The following OIT3 variants were observed in gnomAD, a reference collection of about 807,000 sequenced individuals.
The protein encoded by OIT3 is oncoprotein induced transcript 3.
A neutral mutation model predicts 52.2 loss-of-function variants in OIT3; 41 were observed. That is an observed-to-expected ratio of 0.79 (90% CI 0.61 to 1.02). The LOEUF (loss-of-function observed/expected upper bound fraction) is 1.02, where lower values mean the gene tolerates loss of function less well. Ranked by LOEUF, OIT3 falls within the 50% of genes least tolerant of loss-of-function variation. The probability of loss-of-function intolerance (pLI) is 0.00; values close to 1 mark genes in which losing one functional copy is unlikely to be tolerated. For missense variants in OIT3, 634 were observed against 715.5 expected, an observed-to-expected ratio of 0.89 and a Z score of 1.30; for synonymous variants, 244 against 276.9, an observed-to-expected ratio of 0.88 and a Z score of 1.18.
At chr10:72,911,140 A>G (rs1406455293) in intron 4 of OIT3, among the ~76,000 whole-genome samples, 1 of 152,208 alleles carries the variant, frequency 6.6e-6, no homozygotes, top group Non-Finnish European at 1.5e-5. Flanking sequence ...TGAAAGGACC[A>G]TCACCAAGGG....
chr10:72,929,360 G>GAA (rs1428257189), intron 7 of OIT3, among the ~76,000 whole-genome samples: 8 of 138,426 alleles, frequency 5.8e-5, no homozygotes, highest in African/African-American at 1.8e-4. Flanking sequence ...ACTATGTCCA[G>GAA]AAAAAAAAAA....
chr10:72,907,783 A>G (rs925542367), intron 4 of OIT3, among the ~76,000 whole-genome samples: 5 of 152,214 alleles, frequency 3.3e-5, no homozygotes, highest in Non-Finnish European at 7.3e-5. Context: ...TCTATTTTTA[A>G]TAGCAGACAT....
chr10:72,932,696 CA>C lies in OIT3; in HGVS notation c.*173del. ...TGGTCCATTCAGTGGGCACAGGTCA[CA>C]GCACTGCTGAACAATGTGGCCTGGG... On this transcript the variant is annotated 3_prime_UTR_variant, in exon 9 of 9. Coordinates refer to ENST00000334011, the MANE Select transcript of OIT3 (RefSeq NM_152635.3). 1 of 590,992 alleles carries C rather than the reference CA, an allele frequency of 1.7e-6. No homozygotes were observed. The highest frequency in any genetic ancestry group is 2.3e-5 in the South Asian group (1 of 42,884). 36.6% of individuals were successfully genotyped at this position (590,992 alleles called of 1,614,324 possible). A position where few individuals can be genotyped will look rare whatever the true frequency, so the allele number is the denominator to read the frequency against.
chr10:72,927,340 G>A (rs1009325659), intron 7 of OIT3, among the ~76,000 whole-genome samples: 5 of 152,058 alleles, frequency 3.3e-5, no homozygotes, highest in Admixed American at 1.3e-4. Flanking sequence ...GGGTTTCGCC[G>A]TGTTGGCCAG....
chr10:72,905,013 G>A (rs1845966332), intron 3 of OIT3, among the ~76,000 whole-genome samples: 1 of 152,206 alleles, frequency 6.6e-6, no homozygotes, highest in Non-Finnish European at 1.5e-5. Context: ...GGAAGTGAGA[G>A]TGAGAAGGGG....
chr10:72,924,830 G>A (rs1846154790), intron 7 of OIT3, among the ~76,000 whole-genome samples, 186 bp downstream of exon 7: 1 of 152,138 alleles, frequency 6.6e-6, no homozygotes, highest in Non-Finnish European at 1.5e-5. Flanking sequence ...GTGGCTCCTA[G>A]GCCAGGTGCA....
At chr10:72,908,539 A>C (rs911036293) in intron 4 of OIT3, among the ~76,000 whole-genome samples, 4 of 152,208 alleles carry the variant, frequency 2.6e-5, no homozygotes, top group Non-Finnish European at 4.4e-5. Flanking sequence ...CATTAACCAG[A>C]ATATTAAATT....
rs1431992238 is a variant in OIT3 at position 72,908,103 on chromosome 10, C to T, written c.667+1385C>T. Among the ~76,000 whole-genome samples, 6 of 152,124 alleles carry T rather than the reference C, an allele frequency of 3.9e-5. No homozygotes were observed. The South Asian group carries it at 6.2e-4, about 16-fold the overall frequency. Reference sequence around the variant, plus strand: ...ATTAAAAATACAAAAATTAGCTGGGCGTGGTGGCGGGCGCCTGTAATCCCA... The same window carrying T: ...ATTAAAAATACAAAAATTAGCTGGGTGTGGTGGCGGGCGCCTGTAATCCCA... On this transcript the variant is annotated intron_variant, in intron 4 of 8. Transcript: ENST00000334011.
At chr10:72,899,595 CAA>C (rs57434990) in intron 2 of OIT3, among the ~76,000 whole-genome samples, 31,936 of 88,748 alleles carry the variant, frequency 0.36, 8,500 homozygotes, top group African/African-American at 0.71. Flanking sequence ...GACTCTGATT[CAA>C]AAAAAAAAAA....
Position 72,924,228 on chromosome 10 carries a change from G to A in OIT3, c.952-1G>A. 6.3e-7 allele frequency: 1 copy of A among 1,588,586 alleles called. No homozygotes were observed. Among genetic ancestry groups the A allele is most frequent in the South Asian group, 1.1e-5 (1 of 87,794 alleles). Reference sequence around the variant, plus strand: ...CCTCTCCTCACCCTGGCCTGGCTCAGGTGGTGAATGACAAGATTGTGGCCA... The same window carrying A: ...CCTCTCCTCACCCTGGCCTGGCTCAAGTGGTGAATGACAAGATTGTGGCCA... On this transcript the variant is annotated splice_acceptor_variant, in intron 6 of 8. Transcript: ENST00000334011. LOFTEE classifies it high-confidence loss of function.
At chr10:72,908,364 G>T (rs1257267029) in intron 4 of OIT3, among the ~76,000 whole-genome samples, 5 of 152,208 alleles carry the variant, frequency 3.3e-5, no homozygotes, top group Admixed American at 2.6e-4. Context: ...TTGTTCCTTA[G>T]GATAATTAAA....
In OIT3 at chr10:72,911,885, C is replaced by T. The variant is rs781781755; in HGVS notation, c.790+46C>T. 7.7e-6 allele frequency: 12 copies of T among 1,549,380 alleles called. No individual in the cohort carries two copies. The African/African-American group carries it at 1.4e-4, about 18-fold the overall frequency. ...ACTTGTCTCTACTCTGATTACACTT[C>T]TTCCTCTCCCAAAGCTCTTTGTCTT... On this transcript the variant is annotated intron_variant, in intron 5 of 8. Coordinates refer to ENST00000334011, the MANE Select transcript of OIT3 (RefSeq NM_152635.3).
At position 72,906,546 on chromosome 10, in the gene OIT3, A is replaced by G. The variant is rs1475266484; in HGVS notation, c.545-50A>G. 2.5e-6 allele frequency: 4 copies of G among 1,608,868 alleles called. No individual in the cohort carries two copies. The Admixed American group carries it at 6.7e-5, about 27-fold the overall frequency. ...GAAATTCTGCCCGGGGGGTTGGGAA[A>G]AGGCTGAATCACTCAGCAGTATAGA... On this transcript the variant is annotated intron_variant, in intron 3 of 8. Transcript: ENST00000334011.
chr10:72,900,585 T>C (rs887768184), intron 3 of OIT3, 101 bp downstream of exon 3: 5 of 661,416 alleles, frequency 7.6e-6, no homozygotes, highest in African/African-American at 1.8e-5. Flanking sequence ...AGTGTGTGTC[T>C]CCAAACACTT....
rs1236693031 is a variant in OIT3 at position 72,926,564 on chromosome 10, T to A, written c.1367+1920T>A. Among the ~76,000 whole-genome samples the A allele has an allele frequency of 2.0e-5, 3 of 152,330 alleles. No homozygotes were observed. The East Asian group carries it at 5.8e-4, about 29-fold the overall frequency. On this transcript the variant is annotated intron_variant, in intron 7 of 8. Transcript: ENST00000334011. Reference sequence around the variant, plus strand: ...TGAAAACCTCTTAATGGTTCTTTATTAGCTTTGATCAGTAAATCTGCTTCT... The same window carrying A: ...TGAAAACCTCTTAATGGTTCTTTATAAGCTTTGATCAGTAAATCTGCTTCT...
At chr10:72,919,734 A>C (rs7900141) in intron 6 of OIT3, among the ~76,000 whole-genome samples, 1 of 152,068 alleles carries the variant, frequency 6.6e-6, no homozygotes, top group African/African-American at 2.4e-5. Flanking sequence ...AGTTTTATTT[A>C]TGTGATGAAT....
rs764527932 is a variant in OIT3, at chr10:72,898,851, C to A, written c.249C>A (p.His83Gln). The change falls in exon 2 of 9, where the codon CAC becomes CAA. Residue 83 changes from histidine to glutamine, a missense_variant. By Grantham distance (24) the His-to-Gln change is conservative. Coordinates refer to ENST00000334011, the MANE Select transcript of OIT3 (RefSeq NM_152635.3). The part of the protein sequence containing the change: ...FCIPENHCGT[H>Q]APVWLNGSHP... ...TACCAGAAAACCACTGTGGAACCCACGCACCTGTCTGGCTCAATGGCAGCC... is the reference window on the plus strand; with the variant it reads ...TACCAGAAAACCACTGTGGAACCCAAGCACCTGTCTGGCTCAATGGCAGCC... The A allele has an allele frequency of 1.9e-6, 3 of 1,614,158 alleles. No individual in the cohort carries two copies. The highest frequency in any genetic ancestry group is 3.3e-5 in the Admixed American group (2 of 60,022).
chr10:72,915,448 T>C (rs568919078), intron 6 of OIT3, among the ~76,000 whole-genome samples: 1 of 152,302 alleles, frequency 6.6e-6, no homozygotes, highest in South Asian at 2.1e-4. Flanking sequence ...TGGGTTAGGT[T>C]CCTGTAATCC....
chr10:72,913,260 T>A (rs367627350), intron 5 of OIT3, 48 bp from the exon 6 acceptor site: 215 of 1,474,748 alleles, frequency 1.5e-4, no homozygotes, highest in Admixed American at 2.8e-4. Context: ...AAAGCCTTCC[T>A]CCCGATTCAG....
Sources: allele counts gnomAD v4.1 joint callset (sites outside exome capture counted in the v4.1 genomes callset), GRCh38; gene constraint gnomAD v4.1.1; transcripts MANE v1.5; gene names NCBI Gene and HGNC (gene_info 2026-07-23, HGNC 2026-07-21).